The following MYO16 variants were observed in gnomAD, a reference collection of about 807,000 sequenced individuals.
MYO16 encodes the protein unconventional myosin-XVI.
MYO16 carries 94 observed loss-of-function variants against 205.3 expected under a neutral mutation model. That is an observed-to-expected ratio of 0.46 (90% CI 0.39 to 0.54). The LOEUF (loss-of-function observed/expected upper bound fraction) is 0.54. Among genes scored for constraint, MYO16 ranks in the 20% least tolerant of loss-of-function variants. The probability of loss-of-function intolerance (pLI) is 0.00; values close to 1 mark genes in which losing one functional copy is unlikely to be tolerated. For missense variants in MYO16, 2,315 were observed against 2,387.5 expected, an observed-to-expected ratio of 0.97 and a Z score of 0.63; for synonymous variants, 988 against 954.0, an observed-to-expected ratio of 1.04 and a Z score of -0.66.
At chr13:108,736,161 T>A (rs1884690296) in intron 4 of MYO16, among the ~76,000 whole-genome samples, 1 of 152,222 alleles carries the variant, frequency 6.6e-6, no homozygotes, top group East Asian at 1.9e-4. Context: ...AGATCCCATT[T>A]GTCAATTTTG....
At chr13:109,013,366 T>C (rs1439762860) in intron 22 of MYO16, among the ~76,000 whole-genome samples, 8 of 152,142 alleles carry the variant, frequency 5.3e-5, no homozygotes, top group Non-Finnish European at 1.0e-4. Context: ...CAGTCTATCA[T>C]TGATGGACAT....
chr13:108,869,710 G>A (rs1331836259), intron 12 of MYO16, among the ~76,000 whole-genome samples: 7 of 119,654 alleles, frequency 5.9e-5, no homozygotes, highest in African/African-American at 1.3e-4. Context: ...CAGCCTGGGC[G>A]ACAGAGCGAG....
At chr13:108,661,638 T>C (rs1005626047) in intron 1 of MYO16, among the ~76,000 whole-genome samples, 1 of 152,226 alleles carries the variant, frequency 6.6e-6, no homozygotes, top group East Asian at 1.9e-4. Flanking sequence ...AAATGTTTGA[T>C]TGTTTTTTCT....
At chr13:108,597,942 A>G (rs1317175415) in intron 1 of MYO16, among the ~76,000 whole-genome samples, 1 of 152,188 alleles carries the variant, frequency 6.6e-6, no homozygotes, top group Non-Finnish European at 1.5e-5. Flanking sequence ...AACTTTTCCT[A>G]CTTTACCAGC....
At chr13:108,990,764 T>G (rs901851520) in intron 20 of MYO16, among the ~76,000 whole-genome samples, 4 of 152,174 alleles carry the variant, frequency 2.6e-5, no homozygotes, top group Non-Finnish European at 5.9e-5. Context: ...GAAGCTTATA[T>G]TCTACCATAT....
the MYO16 span, among the ~76,000 whole-genome samples, chr13:108,502,852 G>A: frequency 6.6e-6 from 1 of 151,910 alleles, no homozygotes; most frequent in African/African-American, 2.4e-5. Flanking sequence ...TTTATTATTT[G>A]GAACAGAGAA....
intron 27 of MYO16, among the ~76,000 whole-genome samples, chr13:109,063,672 G>T (rs963533854): frequency 1.3e-5 from 2 of 152,140 alleles, no homozygotes; most frequent in Admixed American, 1.3e-4. Flanking sequence ...TGTTATAGCA[G>T]CCCACCCCAA....
chr13:108,782,810 A>T (rs1165296426), intron 4 of MYO16, among the ~76,000 whole-genome samples: 1 of 152,184 alleles, frequency 6.6e-6, no homozygotes, highest in Non-Finnish European at 1.5e-5. Context: ...TGGAAGCCCC[A>T]AGCCTTGGCA....
chr13:109,070,441 G>A (rs1887889809), intron 27 of MYO16, among the ~76,000 whole-genome samples: 1 of 152,142 alleles, frequency 6.6e-6, no homozygotes, highest in South Asian at 2.1e-4. Context: ...TAAATTTTGT[G>A]TCTTAGGTGT....
chr13:108,693,041 G>C (rs1468986181), intron 2 of MYO16, among the ~76,000 whole-genome samples: 2 of 152,146 alleles, frequency 1.3e-5, no homozygotes, highest in East Asian at 3.8e-4. Context: ...CCCCAAAGTT[G>C]CTGTCTTTAT....
rs1008904147 is a variant in MYO16 at position 109,141,588 on chromosome 13, A to T, written c.5164+212A>T. Among the ~76,000 whole-genome samples the T allele has an allele frequency of 2.0e-4, 31 of 152,248 alleles. No individual in the cohort carries two copies. The highest frequency in any genetic ancestry group is 7.5e-4 in the African/African-American group (31 of 41,462). On this transcript the variant is annotated intron_variant, in intron 32 of 34. Transcript: ENST00000457511. The surrounding 1 kb of genome is among the most constrained non-coding windows in gnomAD (Gnocchi z 4.1). ...ATATTTCCATATTGCAGAATATGAT[A>T]GGAAAGGCTCGTGATATAGAAAGAC...
intron 10 of MYO16, among the ~76,000 whole-genome samples, chr13:108,845,657 G>A (rs1404142492): frequency 6.6e-6 from 1 of 152,082 alleles, no homozygotes; most frequent in African/African-American, 2.4e-5. Context: ...TATGAGTTTG[G>A]AGAAATACAA....
chr13:108,664,163 A>G (rs1881623816), intron 1 of MYO16, among the ~76,000 whole-genome samples: 1 of 152,208 alleles, frequency 6.6e-6, no homozygotes, highest in Non-Finnish European at 1.5e-5. Context: ...ACTTTTATGA[A>G]TACTTATGAA....
At chr13:108,748,436 C>A (rs1182638914) in intron 4 of MYO16, among the ~76,000 whole-genome samples, 1 of 151,790 alleles carries the variant, frequency 6.6e-6, no homozygotes, top group African/African-American at 2.4e-5. Flanking sequence ...TAAGCTTTCC[C>A]CTTTGGAAAC....
chr13:108,749,773 G>A (rs1040499410), intron 4 of MYO16, among the ~76,000 whole-genome samples: 5 of 152,066 alleles, frequency 3.3e-5, no homozygotes, highest in African/African-American at 1.2e-4. Context: ...TCATGTTCCC[G>A]GGTTTTTACA....
chr13:108,643,554 T>C (rs1880605024), intron 1 of MYO16, among the ~76,000 whole-genome samples: 1 of 152,220 alleles, frequency 6.6e-6, no homozygotes, highest in Non-Finnish European at 1.5e-5. Flanking sequence ...GTGTGTTTAG[T>C]TGTTTAAAAA....
chr13:108,919,035 G>A lies in MYO16; in HGVS notation c.1925+8885G>A, dbSNP rs531882108. ...CTGAGGCCAATGTCCAGATAGTCAC[G>A]ATTTGGGGAAAACAGCTGGAAATAG... is the stretch of plus-strand genomic sequence containing the variant. On this transcript the variant is annotated intron_variant, in intron 16 of 34. Transcript: ENST00000457511. Among the ~76,000 whole-genome samples the A allele has an allele frequency of 4.0e-5, 6 of 151,630 alleles. No homozygotes were observed. In the East Asian group the frequency reaches 9.7e-4, roughly 25 times the overall value.
At chr13:108,558,676 A>G in the MYO16 span, among the ~76,000 whole-genome samples, 2 of 152,196 alleles carry the variant, frequency 1.3e-5, no homozygotes, top group Admixed American at 6.5e-5. Context: ...ACCAGCTGGC[A>G]GAGCTGTCTG....
intron 4 of MYO16, among the ~76,000 whole-genome samples, chr13:108,759,588 G>C (rs35394956): frequency 6.6e-6 from 1 of 152,052 alleles, no homozygotes; most frequent in Non-Finnish European, 1.5e-5. Context: ...TTGGGAGGCC[G>C]AGGTGGGCGG....
Sources: gnomAD v4.1 joint callset for allele counts (sites outside exome capture counted in the v4.1 genomes callset) on GRCh38, gnomAD v4.1.1 for gene constraint, Gnocchi (gnomAD v3.1) non-coding constraint, MANE v1.5 for transcripts, NCBI Gene and HGNC (gene_info 2026-07-23, HGNC 2026-07-21) for gene names.